The following HIC1 variants were observed in gnomAD, a reference collection of about 807,000 sequenced individuals.
HIC1 encodes the protein hypermethylated in cancer 1 protein.
HIC1 carries 9 observed loss-of-function variants against 26.4 expected under a neutral mutation model. That is an observed-to-expected ratio of 0.34 (90% confidence interval 0.21 to 0.59). The LOEUF (loss-of-function observed/expected upper bound fraction) is 0.59. HIC1 is among the 20% of genes least tolerant of loss of function. HIC1 has a pLI of 0.82. For synonymous variants in HIC1, 631 were observed against 523.1 expected (o/e 1.21, Z -2.81); for missense variants, 965 against 1,075.7 (o/e 0.90, Z 1.44).
chr17:2,056,249 G>A (rs2067671288), intron 1 of HIC1: 3 of 1,427,642 alleles, frequency 2.1e-6, no homozygotes, highest in Middle Eastern at 1.7e-4. Flanking sequence ...TTCTCCCGAG[G>A]CGGGAGGCGC....
In HIC1 at chr17:2,060,439, G is replaced by A. The variant is rs1721590347; in HGVS notation, c.*1604G>A. 1 of 152,334 alleles carries A rather than the reference G, an allele frequency of 6.6e-6. No homozygotes were observed. Among genetic ancestry groups the A allele is most frequent in the South Asian group, 2.1e-4 (1 of 4,832 alleles). The allele number at this position is 152,334 out of a possible 1,614,324, so 9.4% of individuals were successfully genotyped here. A position where few individuals can be genotyped will look rare whatever the true frequency, so the allele number is the denominator to read the frequency against. On this transcript the variant is annotated 3_prime_UTR_variant, in exon 2 of 2. Coordinates refer to ENST00000619757, the MANE Select transcript of HIC1 (RefSeq NM_006497.4). ...TGTCCACGCCTGGAAGTTTCTCCCA[G>A]CACAGGAGCCGAGGGTGGAAGGCCC...
Position 2,056,958 on chromosome 17 carries a change from G to C in HIC1, c.268G>C (p.Gly90Arg). The C allele has an allele frequency of 4.4e-6, 7 of 1,598,208 alleles. No homozygotes were observed. Among genetic ancestry groups the C allele is most frequent in the Non-Finnish European group, 6.0e-6 (7 of 1,174,100 alleles). Residue 90 changes from glycine to arginine, a missense_variant, in exon 2 of 2, where the codon GGC becomes CGC. By Grantham distance (125) the Gly-to-Arg change is moderately radical. Coordinates refer to ENST00000619757, the MANE Select transcript of HIC1 (RefSeq NM_006497.4). ...DFIYTGRLAD[G>R]AEAAAAAAVA... ...CATCTACACCGGCCGCCTGGCTGAC[G>C]GCGCAGAGGCGGCTGCGGCCGCGGC...
intron 1 of HIC1, 36 bp from the exon 2 acceptor site, chr17:2,056,635 G>C: frequency 1.3e-6 from 2 of 1,487,330 alleles, no homozygotes; most frequent in Non-Finnish European, 1.8e-6. Flanking sequence ...CCAGGGCGCC[G>C]CACGGCTCTC....
Position 2,061,004 on chromosome 17 carries a change from C to T in HIC1, c.*2169C>T, listed in dbSNP as rs1032757823. ...GGAGACTGGGGACACACACCCTGGG[C>T]ACTTCTTCCTGACTTAACCAAAGCC... On this transcript the variant is annotated 3_prime_UTR_variant, in exon 2 of 2. Transcript: ENST00000619757. 3 of 155,860 alleles carry T rather than the reference C, an allele frequency of 1.9e-5. No individual in the cohort carries two copies. Among genetic ancestry groups the T allele is most frequent in the African/African-American group, 7.2e-5 (3 of 41,452 alleles). 9.7% of individuals were successfully genotyped at this position (155,860 alleles called of 1,614,324 possible).
chr17:2,055,436 A>T lies in HIC1; in HGVS notation c.-21+198A>T, dbSNP rs2067662726. On this transcript the variant is annotated intron_variant, in intron 1 of 1. Transcript: ENST00000619757. This position sits in a 1 kb window ranked among gnomAD's most constrained non-coding sequence, Gnocchi z 6.4. Reference sequence around the variant, plus strand: ...TCCGCGCCGGGTTCACGGCGGGGTCAGCGGCCCGGGGCCGGCTCTGCCCGC... The same window carrying T: ...TCCGCGCCGGGTTCACGGCGGGGTCTGCGGCCCGGGGCCGGCTCTGCCCGC... 1.4e-5 allele frequency among the ~76,000 whole-genome samples: 2 copies of T among 145,626 alleles called. No individual in the cohort carries two copies. Among genetic ancestry groups the T allele is most frequent in the Admixed American group, 6.8e-5 (1 of 14,696 alleles).
chr17:2,057,113 C>A lies in HIC1; in HGVS notation c.423C>A (p.Gly141=). 8.0e-7 allele frequency: 1 copy of A among 1,245,320 alleles called. No individual in the cohort carries two copies. Among genetic ancestry groups the A allele is most frequent in the Non-Finnish European group, 1.0e-6 (1 of 987,560 alleles). 77.1% of individuals were successfully genotyped at this position (1,245,320 alleles called of 1,614,324 possible). The change falls in exon 2 of 2, where the codon GGC becomes GGA. Residue 141 remains glycine, a synonymous_variant. Transcript: ENST00000619757. The part of the protein sequence containing the change: ...KRHGKYCHLR[G]GGGGGGGYAP... The stretch of plus-strand genomic sequence containing the variant: ...ACGGCAAGTACTGCCACCTGCGGGG[C>A]GGCGGCGGCGGCGGCGGCGGCTACG...
intron 1 of HIC1, 80 bp from the exon 2 acceptor site, chr17:2,056,591 T>A (rs1239231512): frequency 1.4e-6 from 2 of 1,455,636 alleles, no homozygotes; most frequent in East Asian, 2.5e-5. Context: ...GAAGGGGAAG[T>A]GGAGGGGAGA....
chr17:2,056,108 A>G (rs964258820), intron 1 of HIC1: 2 of 263,812 alleles, frequency 7.6e-6, no homozygotes, highest in African/African-American at 4.7e-5. Flanking sequence ...CCGCCACGGC[A>G]GCCGCTGCCT....
chr17:2,057,626 G>C lies in HIC1; in HGVS notation c.936G>C (p.Trp312Cys). ...ACGGGCCTAGTCTCCTCTATCGCTG[G>C]ATGAAGCACGAGCCGGGCCTGGGTA... ...RPDGPSLLYR[W>C]MKHEPGLGSY... The change falls in exon 2 of 2, where the codon TGG becomes TGC. Residue 312 changes from tryptophan (W) to cysteine (C), a missense_variant. This residue lies in a region of HIC1 where 526 missense variants were observed against 525.0 expected (regional missense o/e 1.00). Coordinates refer to ENST00000619757, the MANE Select transcript of HIC1 (RefSeq NM_006497.4). 1.3e-6 allele frequency: 2 copies of C among 1,514,774 alleles called. No individual in the cohort carries two copies. Among genetic ancestry groups the C allele is most frequent in the Non-Finnish European group, 1.8e-6 (2 of 1,138,602 alleles). 93.8% of individuals were successfully genotyped at this position (1,514,774 alleles called of 1,614,324 possible).
In HIC1 at chr17:2,061,812, C is replaced by T. The variant is rs2151377366; in HGVS notation, c.*2977C>T. 3 of 598,852 alleles carry T rather than the reference C, an allele frequency of 5.0e-6. No individual in the cohort carries two copies. Among genetic ancestry groups the T allele is most frequent in the Non-Finnish European group, 8.7e-6 (3 of 344,458 alleles). The allele number at this position is 598,852 out of a possible 1,614,324, so 37.1% of individuals were successfully genotyped here. A position where few individuals can be genotyped will look rare whatever the true frequency, so the allele number is the denominator to read the frequency against. On this transcript the variant is annotated 3_prime_UTR_variant, in exon 2 of 2. Transcript: ENST00000619757. Reference sequence around the variant, plus strand: ...CCCTCCCCTGCTGGCCTAGAGAGGGCTGCACTGGGCTTCTGCCTTGACTCC... The same window carrying T: ...CCCTCCCCTGCTGGCCTAGAGAGGGTTGCACTGGGCTTCTGCCTTGACTCC...
In HIC1 at chr17:2,058,595, C is replaced by T. The variant is rs1174760869; in HGVS notation, c.1905C>T (p.Arg635=). Reference sequence around the variant, plus strand: ...CCGAGGGCGTCTTTGCTGTGGCTCGCCTCACGGCCGAGCAGCTGAGCCTGA... The same window carrying T: ...CCGAGGGCGTCTTTGCTGTGGCTCGTCTCACGGCCGAGCAGCTGAGCCTGA... ...DFPEGVFAVA[R]LTAEQLSLKQ... Residue 635 remains arginine (R), a synonymous_variant, in exon 2 of 2, where the codon CGC becomes CGT. Transcript: ENST00000619757. The T allele has an allele frequency of 2.6e-6, 4 of 1,552,124 alleles. No homozygotes were observed. The highest frequency in any genetic ancestry group is 2.8e-5 in the African/African-American group (2 of 70,700).
Position 2,061,681 on chromosome 17 carries a change from C to T in HIC1, c.*2846C>T. On this transcript the variant is annotated 3_prime_UTR_variant, in exon 2 of 2. Transcript: ENST00000619757. ...AGGACAGGAGGCAGAGGGCTGGCTG[C>T]TCTTCTCACCCTGGAGAATGTGGTC... is the stretch of plus-strand genomic sequence containing the variant. The T allele has an allele frequency of 1.3e-6, 2 of 1,529,636 alleles. No individual in the cohort carries two copies. Among genetic ancestry groups the T allele is most frequent in the Non-Finnish European group, 1.8e-6 (2 of 1,132,872 alleles). 94.8% of individuals were successfully genotyped at this position (1,529,636 alleles called of 1,614,324 possible).
At position 2,062,958 on chromosome 17, in the gene HIC1, A is replaced by G. The variant is rs3803809; in HGVS notation, c.*4123A>G. 0.13 allele frequency: 20,356 copies of G among 152,602 alleles called. 2,188 individuals are homozygous for G. Among genetic ancestry groups the G allele is most frequent in the East Asian group, 0.59 (3,064 of 5,150 alleles). 9.5% of individuals were successfully genotyped at this position (152,602 alleles called of 1,614,324 possible). ...GGCAAGGGGCTGTGGGCAGAGGGGA[A>G]AGGAAGGTGGCCTCGGGTGAGGGGA... is the stretch of plus-strand genomic sequence containing the variant. On this transcript the variant is annotated 3_prime_UTR_variant, in exon 2 of 2. Transcript: ENST00000619757.
In HIC1 at chr17:2,057,413, T is replaced by C; in HGVS notation, c.723T>C (p.Ala241=). ...CCGCGGCGCCAGAGCGGCCGCTGGCTGAGCGCGAGCTGCCCCCGCGCCCGG... is the reference window on the plus strand; with the variant it reads ...CCGCGGCGCCAGAGCGGCCGCTGGCCGAGCGCGAGCTGCCCCCGCGCCCGG... ...PGSAAPERPL[A]ERELPPRPDS... The change falls in exon 2 of 2, where the codon GCT becomes GCC. Residue 241 remains alanine (A), a synonymous_variant. Transcript: ENST00000619757. The C allele has an allele frequency of 7.0e-7, 1 of 1,435,168 alleles. No individual in the cohort carries two copies. The highest frequency in any genetic ancestry group is 2.9e-5 in the Admixed American group (1 of 34,112). The allele number at this position is 1,435,168 out of a possible 1,614,324, so 88.9% of individuals were successfully genotyped here.
rs1451395096 is a variant in HIC1 at position 2,061,498 on chromosome 17, C to A, written c.*2663C>A. ...GGGCCCCAGTGTGGCTCCCTCAGCC[C>A]ACCTGGGCCCACGTGAGGAAGGCTG... On this transcript the variant is annotated 3_prime_UTR_variant, in exon 2 of 2. Transcript: ENST00000619757. 3.2e-6 allele frequency: 5 copies of A among 1,572,498 alleles called. No homozygotes were observed. The African/African-American group carries it at 5.4e-5, about 17-fold the overall frequency.
rs944413017 is a variant in HIC1, at chr17:2,056,476, T to A, written c.-20-195T>A. On this transcript the variant is annotated intron_variant, in intron 1 of 1. Coordinates refer to ENST00000619757, the MANE Select transcript of HIC1 (RefSeq NM_006497.4). ...CCACCGGCGGCCGCTCACCTCCTGC[T>A]CCTTCTCCTGGTCCGGGCGGGCCGG... The A allele has an allele frequency of 4.1e-5, 55 of 1,339,080 alleles. 1 individual carries two copies. The highest frequency in any genetic ancestry group is 2.2e-4 in the Middle Eastern group (1 of 4,468). 82.9% of individuals were successfully genotyped at this position (1,339,080 alleles called of 1,614,324 possible). A position where few individuals can be genotyped will look rare whatever the true frequency, so the allele number is the denominator to read the frequency against.
Position 2,057,824 on chromosome 17 carries a change from GAGC to G in HIC1, c.1141_1143del (p.Ser381del), listed in dbSNP as rs767411116. 2 of 1,572,642 alleles carry G rather than the reference GAGC, an allele frequency of 1.3e-6. No homozygotes were observed. The highest frequency in any genetic ancestry group is 1.8e-5 in the Admixed American group (1 of 54,868). ...CGGGCGGCGACGGCGACGACTACAA[GAGC>G]AGCAGCGAGGAGACCGGTAGCAGCG... On this transcript the variant is annotated inframe_deletion, in exon 2 of 2. Coordinates refer to ENST00000619757, the MANE Select transcript of HIC1 (RefSeq NM_006497.4).
chr17:2,057,236 G>T lies in HIC1; in HGVS notation c.546G>T (p.Ala182=). 1 of 1,422,216 alleles carries T rather than the reference G, an allele frequency of 7.0e-7. No individual in the cohort carries two copies. The highest frequency in any genetic ancestry group is 1.4e-5 in the South Asian group (1 of 72,628). The allele number at this position is 1,422,216 out of a possible 1,614,324, so 88.1% of individuals were successfully genotyped here. A position where few individuals can be genotyped will look rare whatever the true frequency, so the allele number is the denominator to read the frequency against. ...TCGGGCCTCCGCCGCCGCCTGCCGC[G>T]GAGCCGCCCTCGGGCCCAGAGGCCG... is the stretch of plus-strand genomic sequence containing the variant. ...SPVGPPPPPA[A]EPPSGPEAAV... The change falls in exon 2 of 2, where the codon GCG becomes GCT. Residue 182 remains alanine, a synonymous_variant. Coordinates refer to ENST00000619757, the MANE Select transcript of HIC1 (RefSeq NM_006497.4).
At position 2,058,310 on chromosome 17, in the gene HIC1, C is replaced by T. The variant is rs768157249; in HGVS notation, c.1620C>T (p.Gly540=). The T allele has an allele frequency of 1.2e-6, 2 of 1,609,668 alleles. No individual in the cohort carries two copies. Among genetic ancestry groups the T allele is most frequent in the African/African-American group, 1.3e-5 (1 of 74,984 alleles). ...TMTRHMRSHL[G]LKPFACDACG... ...CGCGCCACATGCGCAGCCACCTGGG[C>T]CTCAAGCCCTTCGCGTGCGACGCGT... is the stretch of plus-strand genomic sequence containing the variant. The change falls in exon 2 of 2, where the codon GGC becomes GGT. Residue 540 remains glycine, a synonymous_variant. Transcript: ENST00000619757.
Sources: gnomAD v4.1 joint callset for allele counts (sites outside exome capture counted in the v4.1 genomes callset) on GRCh38, gnomAD v4.1.1 for gene constraint, gnomAD v4.1.1 regional missense constraint, Gnocchi (gnomAD v3.1) non-coding constraint, MANE v1.5 for transcripts, NCBI Gene and HGNC (gene_info 2026-07-23, HGNC 2026-07-21) for gene names.